PTPRN2: variants seen among roughly 807,000 people sequenced by gnomAD.
PTPRN2 encodes the protein receptor-type tyrosine-protein phosphatase N2.
In PTPRN2, 74 loss-of-function variants were observed where a neutral mutation model predicts 118.8. That is an observed-to-expected ratio of 0.62 (90% CI 0.52 to 0.76). The LOEUF (loss-of-function observed/expected upper bound fraction) is 0.76, where lower values mean the gene tolerates loss of function less well. Among genes scored for constraint, PTPRN2 ranks in the 30% least tolerant of loss-of-function variants. PTPRN2 has a pLI of 0.00. For synonymous variants in PTPRN2, 641 were observed against 608.0 expected, an observed-to-expected ratio of 1.05 and a Z score of -0.80; for missense variants, 1,481 against 1,394.4, an observed-to-expected ratio of 1.06 and a Z score of -0.99.
chr7:158,321,684 C>T (rs1188515619), intron 2 of PTPRN2, among the ~76,000 whole-genome samples: 1 of 152,186 alleles, frequency 6.6e-6, no homozygotes, highest in East Asian at 1.9e-4. Flanking sequence ...AAATTGGGGG[C>T]TGTCTGAAAA....
intron 11 of PTPRN2, among the ~76,000 whole-genome samples, chr7:157,908,599 C>T (rs1797909362): frequency 6.6e-6 from 1 of 152,228 alleles, no homozygotes; most frequent in Non-Finnish European, 1.5e-5. Flanking sequence ...TTTCACTTTT[C>T]CACGTCTGTC....
intron 12 of PTPRN2, among the ~76,000 whole-genome samples, chr7:157,761,938 T>C (rs1802156954): frequency 6.6e-6 from 1 of 152,218 alleles, no homozygotes; most frequent in East Asian, 1.9e-4. Context: ...GCGAAGAACA[T>C]GAACAGACAC....
Position 157,584,762 on chromosome 7 carries a change from C to T in PTPRN2, c.2497-6622G>A, listed in dbSNP as rs187663493. Among the ~76,000 whole-genome samples the T allele has an allele frequency of 4.0e-3, 602 of 152,364 alleles. 4 individuals carry two copies. Among genetic ancestry groups the T allele is most frequent in the Admixed American group, 9.3e-3 (143 of 15,308 alleles). On this transcript the variant is annotated intron_variant, in intron 17 of 22. Coordinates refer to ENST00000389418, the MANE Select transcript of PTPRN2 (RefSeq NM_002847.5). ...ACACTCGTATTTCACTCCTTAGGAG[C>T]TCACCGATGCCTGGAAGTTAAACTG...
chr7:158,235,023 A>G (rs1454119622), intron 3 of PTPRN2, among the ~76,000 whole-genome samples: 3 of 152,210 alleles, frequency 2.0e-5, no homozygotes, highest in Admixed American at 6.5e-5. Flanking sequence ...CAGCCTCCCA[A>G]AGTGATGGGA....
intron 14 of PTPRN2, among the ~76,000 whole-genome samples, chr7:157,625,760 C>T (rs1803534923): frequency 6.6e-6 from 1 of 152,022 alleles, no homozygotes; most frequent in Admixed American, 6.6e-5. Context: ...GAAAAAAAAC[C>T]TTGACATTTA....
intron 2 of PTPRN2, among the ~76,000 whole-genome samples, chr7:158,351,871 G>A (rs1203977442): frequency 9.1e-6 from 1 of 110,012 alleles, no homozygotes; most frequent in South Asian, 3.2e-4. Context: ...TCCCAGCCCA[G>A]CTCCCCTCCT....
At chr7:158,045,870 G>A (rs1287007774) in intron 11 of PTPRN2, among the ~76,000 whole-genome samples, 1 of 147,822 alleles carries the variant, frequency 6.8e-6, no homozygotes, top group African/African-American at 2.6e-5. Context: ...TCCTGATACT[G>A]CCTTGTTCTG....
chr7:158,430,992 T>G (rs908097439), intron 2 of PTPRN2, among the ~76,000 whole-genome samples: 1 of 152,136 alleles, frequency 6.6e-6, no homozygotes, highest in African/African-American at 2.4e-5. Context: ...AGTCAGCCCT[T>G]GAGGGAGCTG....
At chr7:158,186,265 GA>G (rs1202560886) in intron 5 of PTPRN2, among the ~76,000 whole-genome samples, 1 of 152,136 alleles carries the variant, frequency 6.6e-6, no homozygotes, top group Non-Finnish European at 1.5e-5. Context: ...TCCCTTTCTG[GA>G]ATGCAGTTCA....
At chr7:158,497,322 C>T (rs1002380154) in intron 1 of PTPRN2, among the ~76,000 whole-genome samples, 5 of 149,104 alleles carry the variant, frequency 3.4e-5, no homozygotes, top group African/African-American at 5.0e-5. Context: ...GCCCACTGCA[C>T]GTAGGGGTGG....
intron 11 of PTPRN2, among the ~76,000 whole-genome samples, chr7:157,940,274 A>G (rs1407728168): frequency 2.0e-5 from 3 of 152,022 alleles, no homozygotes; most frequent in Non-Finnish European, 4.4e-5. Context: ...TCCCCTTCCT[A>G]GTGTTATTAT....
At chr7:157,982,975 G>A (rs567855713) in intron 11 of PTPRN2, among the ~76,000 whole-genome samples, 58 of 59,832 alleles carry the variant, frequency 9.7e-4, no homozygotes, top group South Asian at 1.7e-3. Flanking sequence ...GCAGAGTGCA[G>A]GGTCCCCCCC....
At chr7:157,710,301 C>T (rs1798538704) in intron 12 of PTPRN2, among the ~76,000 whole-genome samples, 1 of 152,190 alleles carries the variant, frequency 6.6e-6, no homozygotes. Flanking sequence ...AAGACAGTGA[C>T]TGTGTGCTCA....
chr7:157,710,077 CG>C, intron 12 of PTPRN2, among the ~76,000 whole-genome samples: 1 of 152,244 alleles, frequency 6.6e-6, no homozygotes, highest in South Asian at 2.1e-4. Flanking sequence ...GAAGGGTGCT[CG>C]CCTGAGACAC....
chr7:157,631,786 T>C (rs1275035664), intron 14 of PTPRN2, among the ~76,000 whole-genome samples: 1 of 150,952 alleles, frequency 6.6e-6, no homozygotes, highest in South Asian at 2.1e-4. Flanking sequence ...GAGCCGAGAT[T>C]GTGCCACTGC....
chr7:158,576,317 C>T (rs1828314590), intron 1 of PTPRN2, among the ~76,000 whole-genome samples: 1 of 152,228 alleles, frequency 6.6e-6, no homozygotes, highest in South Asian at 2.1e-4. Context: ...ACGAACATCT[C>T]TGTAAAGTTC....
chr7:157,800,210 C>A (rs1805174291), intron 12 of PTPRN2, among the ~76,000 whole-genome samples: 1 of 152,242 alleles, frequency 6.6e-6, no homozygotes, highest in Non-Finnish European at 1.5e-5. Context: ...CCACAGCCAG[C>A]CTGCGTGGCC....
At position 158,331,670 on chromosome 7, in the gene PTPRN2, C is replaced by T. The variant is rs1246494463; in HGVS notation, c.164-14738G>A. 8.2e-4 allele frequency among the ~76,000 whole-genome samples: 123 copies of T among 149,580 alleles called. 7 individuals are homozygous for T. The highest frequency in any genetic ancestry group is 2.9e-3 in the African/African-American group (115 of 39,234). On this transcript the variant is annotated intron_variant, in intron 2 of 22. Transcript: ENST00000389418. ...CCTGCAGACGTCACTCACGCCGACA[C>T]TCTCACCATAAGAGGTGACACTTGC...
At chr7:158,150,152 C>A (rs562965631) in intron 6 of PTPRN2, among the ~76,000 whole-genome samples, 2 of 152,226 alleles carry the variant, frequency 1.3e-5, no homozygotes, top group African/African-American at 4.8e-5. Context: ...ATGCTGTTCC[C>A]TGCAGGCTCC....
Sources: gnomAD v4.1 joint callset for allele counts (sites outside exome capture counted in the v4.1 genomes callset) on GRCh38, gnomAD v4.1.1 for gene constraint, MANE v1.5 for transcripts, NCBI Gene and HGNC (gene_info 2026-07-23, HGNC 2026-07-21) for gene names.